OXR1: variants seen among roughly 807,000 people sequenced by gnomAD.
OXR1 encodes oxidation resistance protein 1.
Under a neutral mutation model 104.6 loss-of-function variants are expected in OXR1, and 41 were observed. The ratio of observed to expected loss-of-function variants is 0.39; its 90% confidence interval spans 0.31 to 0.51. The LOEUF (loss-of-function observed/expected upper bound fraction) is 0.51, where lower values mean the gene tolerates loss of function less well. Ranked by LOEUF, OXR1 falls within the 20% of genes least tolerant of loss-of-function variation. The pLI, the probability that OXR1 is intolerant of heterozygous loss-of-function variation, is 0.77. For synonymous variants in OXR1, 348 were observed against 348.4 expected (o/e 1.00, Z 0.01); for missense variants, 955 against 1,031.9 (o/e 0.93, Z 1.02).
intron 3 of OXR1, among the ~76,000 whole-genome samples, chr8:106,624,115 C>T (rs1253521489): frequency 1.3e-5 from 2 of 152,124 alleles, no homozygotes; most frequent in African/African-American, 4.8e-5. Context: ...AGGTTTTCGA[C>T]CAATTATTTC....
At chr8:106,497,739 T>C (rs1811506006) in intron 2 of OXR1, among the ~76,000 whole-genome samples, 1 of 152,152 alleles carries the variant, frequency 6.6e-6, no homozygotes. Context: ...ATTAAACCCC[T>C]CTTCCTTGGG....
intron 3 of OXR1, among the ~76,000 whole-genome samples, chr8:106,563,307 AAAAAAAAG>A (rs1288595429): frequency 6.6e-6 from 1 of 151,498 alleles, no homozygotes; most frequent in Non-Finnish European, 1.5e-5. Context: ...AAAAAAAAAA[AAAAAAAAG>A]AAAAAAAAAG....
chr8:106,403,435 G>A (rs1410399666), intron 2 of OXR1, among the ~76,000 whole-genome samples: 2 of 152,244 alleles, frequency 1.3e-5, no homozygotes, highest in Non-Finnish European at 2.9e-5. Context: ...ATCAATGGGT[G>A]TAGTTCCCAC....
rs28924691 is a variant in OXR1 at position 106,742,487 on chromosome 8, C to A, written c.2412+170C>A. 2,683 of 507,398 alleles carry A rather than the reference C, an allele frequency of 5.3e-3. 10 individuals are homozygous for A. The highest frequency in any genetic ancestry group is 7.8e-3 in the Non-Finnish European group (2,252 of 287,046). 31.4% of individuals were successfully genotyped at this position (507,398 alleles called of 1,614,324 possible). On this transcript the variant is annotated intron_variant, in intron 15 of 16. Transcript: ENST00000517566. ...GGAACCCAAAAAGAGCCCAAATAGC[C>A]AAGAGAATGCTAAGCATAAAGAACA...
chr8:106,409,434 C>G (rs1818371708), intron 2 of OXR1, among the ~76,000 whole-genome samples: 1 of 151,858 alleles, frequency 6.6e-6, no homozygotes, highest in Non-Finnish European at 1.5e-5. Flanking sequence ...TCTGTCCAAA[C>G]AAAGAAGCAA....
At chr8:106,664,833 T>G (rs2131111786) in intron 3 of OXR1, among the ~76,000 whole-genome samples, 1 of 152,296 alleles carries the variant, frequency 6.6e-6, no homozygotes, top group South Asian at 2.1e-4. Flanking sequence ...AAATGCAGTT[T>G]AGTATAGTAA....
At chr8:106,402,363 C>T (rs1437487841) in intron 2 of OXR1, among the ~76,000 whole-genome samples, 2 of 152,174 alleles carry the variant, frequency 1.3e-5, no homozygotes, top group African/African-American at 4.8e-5. Context: ...GTGGCTTCCA[C>T]TTGGTCTTTT....
intron 5 of OXR1, 114 bp from the exon 6 acceptor site, chr8:106,684,132 A>T: frequency 1.7e-6 from 1 of 597,482 alleles, no homozygotes; most frequent in Non-Finnish European, 3.0e-6. Flanking sequence ...TAATTTGAAA[A>T]TTTTTATGTT....
chr8:106,413,386 T>C (rs1344783298), intron 2 of OXR1, among the ~76,000 whole-genome samples: 1 of 152,132 alleles, frequency 6.6e-6, no homozygotes, highest in East Asian at 1.9e-4. Flanking sequence ...CTAATGTATG[T>C]GCTAGTATTT....
intron 2 of OXR1, among the ~76,000 whole-genome samples, chr8:106,477,015 C>T (rs1367730140): frequency 6.6e-6 from 1 of 151,922 alleles, no homozygotes; most frequent in Non-Finnish European, 1.5e-5. Context: ...CACAATGGTC[C>T]CTATGCTGGA....
intron 3 of OXR1, among the ~76,000 whole-genome samples, chr8:106,673,282 T>C (rs1000008391): frequency 2.0e-5 from 3 of 152,206 alleles, no homozygotes; most frequent in African/African-American, 7.2e-5. Context: ...CTTGCTATGC[T>C]TTACAAAGAG....
At chr8:106,423,324 T>C (rs1172160737) in intron 2 of OXR1, among the ~76,000 whole-genome samples, 1 of 152,202 alleles carries the variant, frequency 6.6e-6, no homozygotes. Flanking sequence ...TGTTCGAAAA[T>C]GCAGTCGTCA....
At chr8:106,709,850 T>G (rs1185754187) in intron 9 of OXR1, among the ~76,000 whole-genome samples, 1 of 152,142 alleles carries the variant, frequency 6.6e-6, no homozygotes, top group Non-Finnish European at 1.5e-5. Flanking sequence ...ATGAGAAGAA[T>G]GGTGAAAGCT....
At chr8:106,520,138 G>A (rs972857205) in intron 3 of OXR1, among the ~76,000 whole-genome samples, 21 of 152,124 alleles carry the variant, frequency 1.4e-4, no homozygotes, top group African/African-American at 5.1e-4. Flanking sequence ...AAGAGGGCCT[G>A]TTTTCTTTAA....
intron 7 of OXR1, chr8:106,697,761 G>T: frequency 6.2e-7 from 1 of 1,613,392 alleles, no homozygotes; most frequent in Non-Finnish European, 8.5e-7. Flanking sequence ...TGAAGGCCAT[G>T]GTGGAGGCCT....
chr8:106,660,506 T>C (rs1458658353), intron 3 of OXR1, among the ~76,000 whole-genome samples: 1 of 152,222 alleles, frequency 6.6e-6, no homozygotes, highest in Non-Finnish European at 1.5e-5. Flanking sequence ...CACATGTAAA[T>C]TGACTGCATT....
intron 1 of OXR1, among the ~76,000 whole-genome samples, chr8:106,286,823 C>T (rs1198973188): frequency 1.3e-5 from 2 of 152,120 alleles, no homozygotes; most frequent in Admixed American, 1.3e-4. Context: ...TATTACAACT[C>T]CCGTAATGGT....
chr8:106,382,607 C>T (rs1817192819), intron 2 of OXR1, among the ~76,000 whole-genome samples: 1 of 151,750 alleles, frequency 6.6e-6, no homozygotes, highest in African/African-American at 2.4e-5. Context: ...ACCCCACAGC[C>T]CAGCTCTGCT....
At chr8:106,394,533 T>C (rs1817705165) in intron 2 of OXR1, among the ~76,000 whole-genome samples, 2 of 152,138 alleles carry the variant, frequency 1.3e-5, no homozygotes, top group South Asian at 4.1e-4. Flanking sequence ...ACCACCTGAA[T>C]GTCCTCCAAC....
Sources: allele counts gnomAD v4.1 joint callset (sites outside exome capture counted in the v4.1 genomes callset), GRCh38; gene constraint gnomAD v4.1.1; transcripts MANE v1.5; gene names NCBI Gene and HGNC (gene_info 2026-07-23, HGNC 2026-07-21).